SLCO4C1: variants seen among roughly 807,000 people sequenced by gnomAD.
The protein encoded by SLCO4C1 is solute carrier organic anion transporter family member 4C1, also known as organic anion transporter M1.
In SLCO4C1, 58 loss-of-function variants were observed where a neutral mutation model predicts 72.1. That is an observed-to-expected ratio of 0.80 (90% CI 0.65 to 1.00). SLCO4C1 has a LOEUF of 1.00. SLCO4C1 is among the 50% of genes least tolerant of loss of function. The probability of loss-of-function intolerance (pLI) is 0.00; values close to 1 mark genes in which losing one functional copy is unlikely to be tolerated. For synonymous variants in SLCO4C1, 297 were observed against 312.5 expected (o/e 0.95, Z 0.52); for missense variants, 898 against 857.9 (o/e 1.05, Z -0.58).
At chr5:102,246,817 G>A (rs958833291) in intron 10 of SLCO4C1, among the ~76,000 whole-genome samples, 1 of 152,108 alleles carries the variant, frequency 6.6e-6, no homozygotes, top group Non-Finnish European at 1.5e-5. Flanking sequence ...TAAAACACAG[G>A]TGAACAACAC....
Position 102,257,296 on chromosome 5 carries a change from G to T in SLCO4C1, c.1288C>A (p.Pro430Thr). ...AATLGGAVLI[P>T]GAALGQILGG... ...AAAATTTGACCGAGAGCAGCTCCAG[G>T]AATTAAAACAGCCCCTAATAAGAAA... is the stretch of plus-strand genomic sequence containing the variant. The change falls in exon 8 of 13, where the codon CCT becomes ACT. Residue 430 changes from proline to threonine, a missense_variant. By Grantham distance (38) the Pro-to-Thr change is conservative. Transcript: ENST00000310954. 6.3e-7 allele frequency: 1 copy of T among 1,594,500 alleles called. No homozygotes were observed. The highest frequency in any genetic ancestry group is 1.1e-5 in the South Asian group (1 of 87,752).
At chr5:102,294,414 C>A (rs1048116286) in intron 1 of SLCO4C1, among the ~76,000 whole-genome samples, 5 of 152,102 alleles carry the variant, frequency 3.3e-5, no homozygotes, top group Non-Finnish European at 7.3e-5. Context: ...CTGCTCCAGA[C>A]TAAACCTGAC....
At chr5:102,238,182 A>G (rs770782361) in intron 12 of SLCO4C1, among the ~76,000 whole-genome samples, 19 of 152,126 alleles carry the variant, frequency 1.2e-4, no homozygotes, top group Non-Finnish European at 2.2e-4. Flanking sequence ...GGTTTTATAT[A>G]TTTTGTGGGG....
At chr5:102,278,203 G>A (rs1182432404) in intron 2 of SLCO4C1, among the ~76,000 whole-genome samples, 2 of 152,072 alleles carry the variant, frequency 1.3e-5, no homozygotes, top group Non-Finnish European at 2.9e-5. Flanking sequence ...AATAATGTAG[G>A]AGTAGCCATA....
chr5:102,246,189 T>G (rs1748632824), intron 10 of SLCO4C1, among the ~76,000 whole-genome samples: 2 of 150,954 alleles, frequency 1.3e-5, no homozygotes, highest in Non-Finnish European at 3.0e-5. Flanking sequence ...TGAGGAGAAA[T>G]GAATGAAACT....
intron 3 of SLCO4C1, among the ~76,000 whole-genome samples, chr5:102,265,133 A>G (rs2113092): frequency 0.58 from 88,251 of 151,822 alleles, 26,294 homozygotes; most frequent in East Asian, 0.69. Flanking sequence ...AAATGGCTAT[A>G]TAGATTCTTT....
chr5:102,242,464 G>T (rs1156465050), intron 10 of SLCO4C1, among the ~76,000 whole-genome samples: 1 of 152,148 alleles, frequency 6.6e-6, no homozygotes, highest in Non-Finnish European at 1.5e-5. Flanking sequence ...AGAAGAGAGG[G>T]AAGAGTGGGG....
chr5:102,278,495 A>G (rs1318353518), intron 2 of SLCO4C1, among the ~76,000 whole-genome samples: 1 of 152,212 alleles, frequency 6.6e-6, no homozygotes, highest in Non-Finnish European at 1.5e-5. Context: ...GATCTAACCA[A>G]CATTTTTTAA....
chr5:102,280,090 CAAAAAA>C (rs36217271), intron 2 of SLCO4C1, among the ~76,000 whole-genome samples: 7 of 68,858 alleles, frequency 1.0e-4, no homozygotes, highest in Admixed American at 3.9e-4. Flanking sequence ...TGCAATAAGG[CAAAAAA>C]AAAAAAAAAA....
In SLCO4C1 at chr5:102,296,010, C is replaced by T; in HGVS notation, c.253G>A (p.Glu85Lys). 6.2e-7 allele frequency: 1 copy of T among 1,614,254 alleles called. No homozygotes were observed. Among genetic ancestry groups the T allele is most frequent in the Non-Finnish European group, 8.5e-7 (1 of 1,180,050 alleles). The stretch of plus-strand genomic sequence containing the variant: ...AAGTTCCTCCAGCCGTAAGACCCCT[C>T]CTCAAACTCGGACAGCGACAGTGAC... ...LRSLSLSEFE[E>K]GSYGWRNFHP... is the part of the protein sequence containing the mutation. Residue 85 changes from glutamate (E) to lysine (K), a missense_variant, in exon 1 of 13, where the codon GAG (glutamate) becomes AAG (lysine). Glu to Lys is a moderately conservative substitution (Grantham distance 56, BLOSUM62 1). Coordinates refer to ENST00000310954, the MANE Select transcript of SLCO4C1 (RefSeq NM_180991.5).
intron 2 of SLCO4C1, among the ~76,000 whole-genome samples, chr5:102,277,716 C>G (rs1749274514): frequency 6.6e-6 from 1 of 151,436 alleles, no homozygotes; most frequent in South Asian, 2.1e-4. Flanking sequence ...CCCACCCCCA[C>G]CTCAAAGCCA....
rs763347780 is a variant in SLCO4C1, at chr5:102,236,661, C to T, written c.*197G>A. On this transcript the variant is annotated 3_prime_UTR_variant, in exon 13 of 13. Transcript: ENST00000310954. Reference sequence around the variant, plus strand: ...GTGTGTGCTGTGTTTTGAGGCTTTACGTGGGCTTTGAAGGCACAGGTCTGT... The same window carrying T: ...GTGTGTGCTGTGTTTTGAGGCTTTATGTGGGCTTTGAAGGCACAGGTCTGT... The T allele has an allele frequency of 2.4e-5, 11 of 459,334 alleles. No individual in the cohort carries two copies. Among genetic ancestry groups the T allele is most frequent in the South Asian group, 4.6e-5 (2 of 43,202 alleles). The allele number at this position is 459,334 out of a possible 1,614,324, so 28.5% of individuals were successfully genotyped here. A position where few individuals can be genotyped will look rare whatever the true frequency, so the allele number is the denominator to read the frequency against.
intron 4 of SLCO4C1, among the ~76,000 whole-genome samples, chr5:102,262,959 C>A (rs1033746034): frequency 6.6e-6 from 1 of 151,888 alleles, no homozygotes; most frequent in Non-Finnish European, 1.5e-5. Flanking sequence ...AGTTATTATT[C>A]CCAGTGGCAA....
In SLCO4C1 at chr5:102,236,966, CA is replaced by C; in HGVS notation, c.2066del (p.Leu689CysfsTer20). Reference sequence around the variant, plus strand: ...CTGTGGCTGATGGAGGTGGTTTATACAAAAAGATTGCAAATCCATTGAAGAA... The same window carrying C: ...CTGTGGCTGATGGAGGTGGTTTATACAAAAGATTGCAAATCCATTGAAGAA... ...TMFFNGFAIF[L>X]YKPPPSATDV... is the part of the protein sequence containing the mutation. On this transcript the variant is annotated frameshift_variant, in exon 13 of 13. Transcript: ENST00000310954. LOFTEE classifies it low-confidence loss of function (END_TRUNC). 1 of 1,610,452 alleles carries C rather than the reference CA, an allele frequency of 6.2e-7. No individual in the cohort carries two copies.
chr5:102,242,750 G>A (rs1313685171), intron 10 of SLCO4C1, among the ~76,000 whole-genome samples: 1 of 152,154 alleles, frequency 6.6e-6, no homozygotes, highest in Non-Finnish European at 1.5e-5. Flanking sequence ...AGACTTGCTG[G>A]CTTCTGATAA....
rs139596954 is a variant in SLCO4C1 at position 102,259,367 on chromosome 5, T to A, written c.1128+846A>T. On this transcript the variant is annotated intron_variant, in intron 6 of 12. Coordinates refer to ENST00000310954, the MANE Select transcript of SLCO4C1 (RefSeq NM_180991.5). ...ATTTATAAGATAAACTAAACAGGAA[T>A]AATGAAATAGAACAGAACTACTGTA... 2.7e-3 allele frequency among the ~76,000 whole-genome samples: 416 copies of A among 152,048 alleles called. 4 individuals carry two copies. Among genetic ancestry groups the A allele is most frequent in the Admixed American group, 6.5e-3 (99 of 15,264 alleles).
intron 3 of SLCO4C1, among the ~76,000 whole-genome samples, chr5:102,267,064 T>C (rs1270050068): frequency 6.6e-6 from 1 of 152,182 alleles, no homozygotes; most frequent in Non-Finnish European, 1.5e-5. Flanking sequence ...CTATGTTCAT[T>C]AGGGATATTG....
chr5:102,250,329 C>T (rs1748714982), intron 8 of SLCO4C1, among the ~76,000 whole-genome samples: 1 of 152,106 alleles, frequency 6.6e-6, no homozygotes, highest in Admixed American at 6.6e-5. Flanking sequence ...TTTTCCCAGT[C>T]CCCAGGCTCA....
intron 10 of SLCO4C1, among the ~76,000 whole-genome samples, chr5:102,245,252 G>A (rs1255280465): frequency 6.6e-6 from 1 of 152,052 alleles, no homozygotes; most frequent in Non-Finnish European, 1.5e-5. Context: ...ACACAGCCTG[G>A]TTGAATGGAT....
Sources: allele counts gnomAD v4.1 joint callset (sites outside exome capture counted in the v4.1 genomes callset), GRCh38; gene constraint gnomAD v4.1.1; transcripts MANE v1.5; gene names NCBI Gene and HGNC (gene_info 2026-07-23, HGNC 2026-07-21).